Variants in KALRN observed in about 807,000 individuals in gnomAD.
KALRN encodes the protein kalirin.
In KALRN, 70 loss-of-function variants were observed where a neutral mutation model predicts 353.7. The observed-to-expected ratio is 0.20, with a 90% CI of 0.16 to 0.24. The LOEUF (loss-of-function observed/expected upper bound fraction) is 0.24. Ranked by LOEUF, KALRN falls within the 10% of genes least tolerant of loss-of-function variation. KALRN has a pLI of 1.00. For synonymous variants in KALRN, 1,391 were observed against 1,434.8 expected (o/e 0.97, Z 0.69); for missense variants, 2,791 against 3,756.7 (o/e 0.74, Z 6.72).
At position 124,714,242 on chromosome 3, in the gene KALRN, A is replaced by G. The variant is rs558710749; in HGVS notation, c.8276+1107A>G. Among the ~76,000 whole-genome samples, 88 of 152,292 alleles carry G rather than the reference A, an allele frequency of 5.8e-4. 1 individual carries two copies. The highest frequency in any genetic ancestry group is 2.3e-3 in the Admixed American group (35 of 15,302). ...TGTTTGTAGGGAACCTCCTAACTCA[A>G]AAGACATTATTCTATTGCTAGTGAA... On this transcript the variant is annotated intron_variant, in intron 58 of 59. Transcript: ENST00000682506.
intron 14 of KALRN, among the ~76,000 whole-genome samples, chr3:124,414,791 G>A (rs910401672): frequency 6.6e-6 from 1 of 152,248 alleles, no homozygotes; most frequent in Middle Eastern, 3.4e-3. Flanking sequence ...GTTGGCTCAG[G>A]TTCCTCAGTC....
At chr3:124,536,268 C>T (rs570407068) in intron 33 of KALRN, among the ~76,000 whole-genome samples, 258 of 136,346 alleles carry the variant, frequency 1.9e-3, no homozygotes, top group Non-Finnish European at 3.1e-3. Flanking sequence ...ATGGTGCAAT[C>T]TCAGCTCACT....
chr3:124,716,419 G>A lies in KALRN; in HGVS notation c.8277-828G>A, dbSNP rs115228980. Among the ~76,000 whole-genome samples, 1,451 of 152,306 alleles carry A rather than the reference G, an allele frequency of 9.5e-3. 6 individuals are homozygous for A. Among genetic ancestry groups the A allele is most frequent in the South Asian group, 0.023 (109 of 4,830 alleles). On this transcript the variant is annotated intron_variant, in intron 58 of 59. Coordinates refer to ENST00000682506, the MANE Select transcript of KALRN (RefSeq NM_001388419.1). ...CACGCCTGTAATTCCAGCTACTTGG[G>A]AAGCTGAGACACCAGAATCGCTTGA...
intron 5 of KALRN, among the ~76,000 whole-genome samples, chr3:124,284,361 T>C (rs1021213407): frequency 2.6e-5 from 4 of 152,230 alleles, no homozygotes; most frequent in Admixed American, 2.6e-4. Flanking sequence ...GCTGCTGCTT[T>C]AAACCTCCAG....
chr3:124,158,653 G>A (rs991932403), intron 1 of KALRN, among the ~76,000 whole-genome samples: 1 of 152,178 alleles, frequency 6.6e-6, no homozygotes, highest in Non-Finnish European at 1.5e-5. Context: ...GGAAAGAAGG[G>A]CTGGAGGCCA....
intron 6 of KALRN, among the ~76,000 whole-genome samples, chr3:124,310,326 T>C (rs2078129221): frequency 6.6e-6 from 1 of 152,200 alleles, no homozygotes; most frequent in Admixed American, 6.5e-5. Context: ...ATTGTTAGGA[T>C]GGCAATACTC....
intron 5 of KALRN, among the ~76,000 whole-genome samples, chr3:124,287,793 A>G (rs371946452): frequency 1.1e-3 from 19 of 17,400 alleles, no homozygotes; most frequent in South Asian, 5.3e-3. Context: ...ATATATATAT[A>G]TATATATATA....
intron 6 of KALRN, among the ~76,000 whole-genome samples, chr3:124,303,792 C>G (rs1284562586): frequency 1.3e-5 from 2 of 152,156 alleles, no homozygotes; most frequent in Non-Finnish European, 2.9e-5. Flanking sequence ...TTTAATCCCA[C>G]TAATTTGCTC....
chr3:124,621,604 C>T (rs1448927533), intron 34 of KALRN, among the ~76,000 whole-genome samples: 3 of 152,206 alleles, frequency 2.0e-5, no homozygotes, highest in African/African-American at 7.2e-5. Flanking sequence ...TTCCTAGTGT[C>T]AAGGAATAGT....
intron 33 of KALRN, among the ~76,000 whole-genome samples, chr3:124,546,516 T>C (rs1303457968): frequency 6.6e-6 from 1 of 152,112 alleles, no homozygotes; most frequent in African/African-American, 2.4e-5. Context: ...GTGGTGATTT[T>C]AACAGTGACT....
chr3:124,160,658 G>A (rs2150014021), intron 1 of KALRN, among the ~76,000 whole-genome samples: 1 of 152,206 alleles, frequency 6.6e-6, no homozygotes, highest in East Asian at 1.9e-4. Context: ...GAGACAGCCT[G>A]GCCTTTGGAG....
intron 21 of KALRN, 124 bp from the exon 22 acceptor site, chr3:124,455,053 G>C: frequency 2.1e-6 from 2 of 961,806 alleles, no homozygotes; most frequent in Non-Finnish European, 3.1e-6. Context: ...ACAAAGCTGG[G>C]ATACATACCC....
intron 1 of KALRN, among the ~76,000 whole-genome samples, chr3:124,036,373 A>G (rs1372643693): frequency 6.6e-6 from 1 of 151,448 alleles, no homozygotes; most frequent in Non-Finnish European, 1.5e-5. Context: ...ACCTCCATCC[A>G]TGTTGCTGCA....
At chr3:124,048,648 A>AT (rs377172797) in intron 1 of KALRN, among the ~76,000 whole-genome samples, 2,967 of 151,600 alleles carry the variant, frequency 0.02, 88 homozygotes, top group African/African-American at 0.066. Flanking sequence ...CGCCCAGCTA[A>AT]TTTTTTTTGT....
intron 1 of KALRN, among the ~76,000 whole-genome samples, chr3:124,225,962 T>C (rs2078445660): frequency 6.6e-6 from 1 of 152,208 alleles, no homozygotes; most frequent in African/African-American, 2.4e-5. Context: ...AGGACTGAAA[T>C]TTAACTTTTA....
intron 10 of KALRN, among the ~76,000 whole-genome samples, chr3:124,380,968 T>C (rs1441767124): frequency 1.3e-5 from 2 of 152,144 alleles, no homozygotes; most frequent in African/African-American, 2.4e-5. Context: ...TTACTAAATA[T>C]CTATGGAGAC....
At chr3:124,366,864 C>A (rs13100405) in intron 10 of KALRN, among the ~76,000 whole-genome samples, 2 of 126,488 alleles carry the variant, frequency 1.6e-5, no homozygotes, top group East Asian at 2.5e-4. Flanking sequence ...CCGGACGGGG[C>A]GGCTGGCCGG....
intron 9 of KALRN, among the ~76,000 whole-genome samples, chr3:124,341,675 A>G (rs1411057034): frequency 1.3e-5 from 2 of 152,174 alleles, no homozygotes; most frequent in Non-Finnish European, 2.9e-5. Flanking sequence ...GCTCAGTTCA[A>G]TTAAACATGT....
chr3:124,368,999 A>C (rs1044836303), intron 10 of KALRN, among the ~76,000 whole-genome samples: 30 of 152,078 alleles, frequency 2.0e-4, no homozygotes, highest in Admixed American at 9.2e-4. Flanking sequence ...AGATGGCAGC[A>C]GTACAGTCCA....
Sources: allele counts gnomAD v4.1 joint callset (sites outside exome capture counted in the v4.1 genomes callset), GRCh38; gene constraint gnomAD v4.1.1; transcripts MANE v1.5; gene names NCBI Gene and HGNC (gene_info 2026-07-23, HGNC 2026-07-21).